Variants in ZNF521 observed in about 807,000 individuals in gnomAD.
The protein encoded by ZNF521 is LYST-interacting protein 3.
In ZNF521, 14 loss-of-function variants were observed where a neutral mutation model predicts 105.5. That is an observed-to-expected ratio of 0.13 (90% CI 0.09 to 0.21). The LOEUF is 0.21. ZNF521 is among the 10% of genes least tolerant of loss of function. The pLI is 1.00. For missense variants in ZNF521, 1,233 were observed against 1,629.7 expected (o/e 0.76, Z 4.19); for synonymous variants, 635 against 606.0 (o/e 1.05, Z -0.70).
In ZNF521 at chr18:25,062,614, G is replaced by A. The variant is rs2032927189; in HGVS notation, c.*98C>T. 1.4e-6 allele frequency: 2 copies of A among 1,432,252 alleles called. No individual in the cohort carries two copies. The allele number at this position is 1,432,252 out of a possible 1,614,324, so 88.7% of individuals were successfully genotyped here. On this transcript the variant is annotated 3_prime_UTR_variant, in exon 8 of 8. Transcript: ENST00000361524. ...TTTTATGGTACAATACAATGTTTCT[G>A]AATAATATACATTAACAATGAAAGT...
intron 3 of ZNF521, among the ~76,000 whole-genome samples, chr18:25,228,731 T>A (rs897523465): frequency 1.3e-5 from 2 of 152,196 alleles, no homozygotes; most frequent in African/African-American, 4.8e-5. Flanking sequence ...ACTTAGCAAG[T>A]TATCCATAAA....
chr18:25,079,672 G>GC (rs1349448462), intron 7 of ZNF521, among the ~76,000 whole-genome samples: 1 of 151,980 alleles, frequency 6.6e-6, no homozygotes, highest in African/African-American at 2.4e-5. Flanking sequence ...ACAGATGGTG[G>GC]GGGGGACGCA....
chr18:25,247,405 A>G (rs962919461), intron 3 of ZNF521, among the ~76,000 whole-genome samples: 1 of 152,182 alleles, frequency 6.6e-6, no homozygotes, highest in Admixed American at 6.5e-5. Flanking sequence ...AAATGCAAAC[A>G]TTTGTGATCA....
chr18:25,149,013 G>T (rs12968618), intron 5 of ZNF521, among the ~76,000 whole-genome samples: 62,512 of 151,924 alleles, frequency 0.41, 13,107 homozygotes, highest in South Asian at 0.58. Context: ...TACCCATGAT[G>T]TCTTCCTAAT....
intron 3 of ZNF521, among the ~76,000 whole-genome samples, chr18:25,250,993 CG>C (rs1369906786): frequency 2.0e-4 from 30 of 152,128 alleles, no homozygotes; most frequent in African/African-American, 6.5e-4. Context: ...ATCATGTAAA[CG>C]AAACACTCAA....
At chr18:25,150,344 G>A (rs1600094424) in intron 5 of ZNF521, among the ~76,000 whole-genome samples, 1 of 152,156 alleles carries the variant, frequency 6.6e-6, no homozygotes, top group East Asian at 1.9e-4. Flanking sequence ...TACTGCTTCG[G>A]TGATGGGTGC....
chr18:25,189,463 G>T (rs977649729), intron 5 of ZNF521, among the ~76,000 whole-genome samples: 1 of 152,044 alleles, frequency 6.6e-6, no homozygotes, highest in Non-Finnish European at 1.5e-5. Context: ...TTCATTTTAC[G>T]TAAGTTTTAT....
At chr18:25,084,210 A>G (rs927221454) in intron 7 of ZNF521, among the ~76,000 whole-genome samples, 1 of 139,996 alleles carries the variant, frequency 7.1e-6, no homozygotes, top group Non-Finnish European at 1.7e-5. Flanking sequence ...ATTATTTAAT[A>G]ATGTGAGACA....
At chr18:25,351,632 C>A (rs1359577582) in intron 1 of ZNF521, 6 of 152,298 alleles carry the variant, frequency 3.9e-5, no homozygotes, top group Non-Finnish European at 7.3e-5. Context: ...CGAAAATAAG[C>A]AAAGGGAAAA....
intron 3 of ZNF521, among the ~76,000 whole-genome samples, chr18:25,268,963 C>T (rs1280422592): frequency 6.6e-6 from 1 of 151,972 alleles, no homozygotes; most frequent in Non-Finnish European, 1.5e-5. Context: ...ACAAATGCCC[C>T]AATTAAAAGA....
chr18:25,141,273 C>A (rs2034842335), intron 5 of ZNF521, among the ~76,000 whole-genome samples: 1 of 152,062 alleles, frequency 6.6e-6, no homozygotes, highest in Non-Finnish European at 1.5e-5. Context: ...GTGTTTGTTT[C>A]ATGAAAAAAG....
chr18:25,237,638 C>T (rs984570470), intron 3 of ZNF521, among the ~76,000 whole-genome samples: 2 of 152,106 alleles, frequency 1.3e-5, no homozygotes, highest in African/African-American at 2.4e-5. Flanking sequence ...AGTAATGAGA[C>T]ACATTGCTAA....
chr18:25,286,139 G>C (rs1910696837), intron 3 of ZNF521, among the ~76,000 whole-genome samples: 1 of 152,214 alleles, frequency 6.6e-6, no homozygotes, highest in Admixed American at 6.5e-5. Flanking sequence ...CCCTGAGCCA[G>C]ACGTGTCTGG....
intron 5 of ZNF521, among the ~76,000 whole-genome samples, chr18:25,186,074 C>G (rs187357082): frequency 6.6e-6 from 1 of 152,240 alleles, no homozygotes; most frequent in African/African-American, 2.4e-5. Context: ...ACTGATTTTT[C>G]TAATTTTTGT....
intron 4 of ZNF521, among the ~76,000 whole-genome samples, chr18:25,206,937 A>G (rs1470174760): frequency 6.6e-6 from 1 of 152,184 alleles, no homozygotes; most frequent in Non-Finnish European, 1.5e-5. Context: ...CACTTTACCT[A>G]TTCTAGAACA....
chr18:25,196,053 C>T (rs1420138588), intron 4 of ZNF521, among the ~76,000 whole-genome samples: 2 of 151,694 alleles, frequency 1.3e-5, no homozygotes, highest in Non-Finnish European at 3.0e-5. Context: ...TATAATTTTA[C>T]ATCTTTATTA....
intron 5 of ZNF521, among the ~76,000 whole-genome samples, chr18:25,152,372 G>A (rs1046733913): frequency 3.3e-5 from 5 of 151,996 alleles, no homozygotes; most frequent in Admixed American, 6.6e-5. Flanking sequence ...CCAGCTACTC[G>A]GGAGGCTGAT....
chr18:25,305,318 T>G (rs1034538951), intron 3 of ZNF521, among the ~76,000 whole-genome samples: 2 of 152,182 alleles, frequency 1.3e-5, no homozygotes, highest in Non-Finnish European at 2.9e-5. Flanking sequence ...AAACGAGAAA[T>G]CTTTTAAAAC....
At position 25,225,616 on chromosome 18, in the gene ZNF521, G is replaced by T; in HGVS notation, c.2302C>A (p.Gln768Lys). ...AGGTGGTTGTGTTTCACATGGAGCT[G>T]CAAGTCAGTTTCGTTGCGGAAGTCC... Reference protein sequence around the residue: ...NWDFRNETDLQLHVKHNHLEN... With the variant: ...NWDFRNETDLKLHVKHNHLEN... The change falls in exon 4 of 8, where the codon CAG becomes AAG. Residue 768 changes from glutamine (Q) to lysine (K), a missense_variant. This residue lies in a region of ZNF521 where 614 missense variants were observed against 751.5 expected (regional missense o/e 0.82). Transcript: ENST00000361524. The surrounding 1 kb of genome is among the most constrained non-coding windows in gnomAD (Gnocchi z 5.6). The T allele has an allele frequency of 6.2e-7, 1 of 1,614,184 alleles. No homozygotes were observed. Among genetic ancestry groups the T allele is most frequent in the South Asian group, 1.1e-5 (1 of 91,078 alleles).
Sources: allele counts gnomAD v4.1 joint callset (sites outside exome capture counted in the v4.1 genomes callset), GRCh38; gene constraint gnomAD v4.1.1; regional missense constraint gnomAD v4.1.1; non-coding constraint Gnocchi (gnomAD v3.1); transcripts MANE v1.5; gene names NCBI Gene and HGNC (gene_info 2026-07-23, HGNC 2026-07-21).